LIMS1: variants seen among roughly 807,000 people sequenced by gnomAD.
LIMS1 encodes LIM and senescent cell antigen-like-containing domain protein 1.
A neutral mutation model predicts 44.1 loss-of-function variants in LIMS1; 18 were observed. That is an observed-to-expected ratio of 0.41 (90% CI 0.28 to 0.61). The LOEUF (loss-of-function observed/expected upper bound fraction) is 0.61, where lower values mean the gene tolerates loss of function less well. LIMS1 is among the 20% of genes least tolerant of loss of function. The pLI is 0.32. For missense variants in LIMS1, 201 were observed against 422.0 expected (o/e 0.48, Z 4.59); for synonymous variants, 93 against 149.1 (o/e 0.62, Z 2.74).
At chr2:108,551,339 TATAA>T (rs1035150633) in intron 1 of LIMS1, among the ~76,000 whole-genome samples, 11 of 147,210 alleles carry the variant, frequency 7.5e-5, no homozygotes, top group Non-Finnish European at 1.6e-4. Flanking sequence ...TTATTTATAA[TATAA>T]ATATATAATG....
At chr2:108,548,592 T>G (rs1684568768) in intron 1 of LIMS1, among the ~76,000 whole-genome samples, 1 of 152,230 alleles carries the variant, frequency 6.6e-6, no homozygotes, top group Non-Finnish European at 1.5e-5. Flanking sequence ...AATACAGAAC[T>G]GTCTATTGAG....
chr2:108,545,672 C>G (rs1684459512), intron 1 of LIMS1, among the ~76,000 whole-genome samples: 6 of 152,300 alleles, frequency 3.9e-5, no homozygotes, highest in Middle Eastern at 3.4e-3. Context: ...AAATAGGTAA[C>G]TTGTTTGATC....
intron 1 of LIMS1, among the ~76,000 whole-genome samples, chr2:108,565,049 A>G (rs1029037508): frequency 6.6e-6 from 1 of 152,322 alleles, no homozygotes; most frequent in East Asian, 1.9e-4. Flanking sequence ...GCTTTCTCCA[A>G]GTCGGTTTCT....
chr2:108,589,090 T>A (rs570532665), intron 1 of LIMS1, among the ~76,000 whole-genome samples: 2 of 152,266 alleles, frequency 1.3e-5, no homozygotes, highest in East Asian at 3.9e-4. Flanking sequence ...TTTAGCAATA[T>A]GTTTAGTGAA....
intron 1 of LIMS1, among the ~76,000 whole-genome samples, chr2:108,581,862 A>G (rs1339621230): frequency 1.3e-5 from 2 of 151,726 alleles, no homozygotes. Flanking sequence ...GCTTGAACCC[A>G]GGAGGCAGAG....
intron 1 of LIMS1, among the ~76,000 whole-genome samples, chr2:108,536,015 C>CT (rs1684124545): frequency 6.6e-6 from 1 of 151,626 alleles, no homozygotes; most frequent in African/African-American, 2.4e-5. Flanking sequence ...GACTTTTTTC[C>CT]TTAAAAAAAA....
intron 1 of LIMS1, among the ~76,000 whole-genome samples, chr2:108,564,754 T>G (rs2104618404): frequency 6.6e-6 from 1 of 152,246 alleles, no homozygotes; most frequent in Non-Finnish European, 1.5e-5. Flanking sequence ...TACGTAAGAT[T>G]GCTGCAGCTA....
At chr2:108,556,752 G>A (rs532712784) in intron 1 of LIMS1, among the ~76,000 whole-genome samples, 10 of 152,174 alleles carry the variant, frequency 6.6e-5, no homozygotes, top group Non-Finnish European at 1.2e-4. Context: ...TGACAACTGC[G>A]TCTGCTGCCC....
At chr2:108,559,772 A>AT (rs1685049730) in intron 1 of LIMS1, among the ~76,000 whole-genome samples, 1 of 152,128 alleles carries the variant, frequency 6.6e-6, no homozygotes, top group African/African-American at 2.4e-5. Flanking sequence ...GTGTCCTTTC[A>AT]TAATATTTTT....
At position 108,562,522 on chromosome 2, in the gene LIMS1, C is replaced by T. The variant is rs536353426; in HGVS notation, c.32+27928C>T. The stretch of plus-strand genomic sequence containing the variant: ...TTAGTGGTTTGAATGGGACATAAAA[C>T]CAGCCACAACATTCCCTTAAGTCAA... On this transcript the variant is annotated intron_variant, in intron 1 of 9. Coordinates refer to ENST00000544547, the Ensembl canonical transcript of LIMS1. Among the ~76,000 whole-genome samples the T allele has an allele frequency of 3.3e-5, 5 of 152,316 alleles. No individual in the cohort carries two copies. In the South Asian group the frequency reaches 8.3e-4, roughly 25 times the overall value.
chr2:108,552,291 A>G (rs1684775492), intron 1 of LIMS1, among the ~76,000 whole-genome samples: 1 of 136,554 alleles, frequency 7.3e-6, no homozygotes, highest in Non-Finnish European at 1.6e-5. Flanking sequence ...AACTATATAT[A>G]TACTATACGT....
intron 1 of LIMS1, among the ~76,000 whole-genome samples, chr2:108,572,366 C>T (rs533569503): frequency 1.4e-5 from 2 of 147,922 alleles, no homozygotes; most frequent in East Asian, 4.1e-4. Context: ...CTCCCTTGGT[C>T]TCTGGGACTC....
rs994396961 is a variant in LIMS1 at position 108,650,467 on chromosome 2, G to A, written c.33-9138G>A. 1.1e-4 allele frequency among the ~76,000 whole-genome samples: 16 copies of A among 147,072 alleles called. 1 individual carries two copies. Among genetic ancestry groups the A allele is most frequent in the Admixed American group, 6.9e-4 (10 of 14,560 alleles). The stretch of plus-strand genomic sequence containing the variant: ...AGTTTTGCTCTTGTTGCCCAGGCTT[G>A]AGTGCAGTTGCACAATCTCGGCTCA... On this transcript the variant is annotated intron_variant, in intron 1 of 9. Coordinates refer to ENST00000544547, the Ensembl canonical transcript of LIMS1.
intron 1 of LIMS1, among the ~76,000 whole-genome samples, chr2:108,612,029 TACACACACAC>T (rs71381969): frequency 2.1e-4 from 17 of 79,936 alleles, no homozygotes; most frequent in South Asian, 4.9e-4. Context: ...CACACACATA[TACACACACAC>T]ACACACACAC....
chr2:108,619,338 A>G (rs1284123189), intron 1 of LIMS1, among the ~76,000 whole-genome samples: 6 of 151,910 alleles, frequency 3.9e-5, no homozygotes, highest in Non-Finnish European at 5.9e-5. Context: ...GAAAACAAGG[A>G]AGATTAGTGG....
At chr2:108,575,132 G>T (rs1479392924) in intron 1 of LIMS1, among the ~76,000 whole-genome samples, 1 of 151,962 alleles carries the variant, frequency 6.6e-6, no homozygotes, top group Non-Finnish European at 1.5e-5. Context: ...AACACTCTTG[G>T]GGTTCTCAAT....
intron 1 of LIMS1, among the ~76,000 whole-genome samples, chr2:108,559,972 T>TG (rs1685059253): frequency 1.4e-5 from 2 of 145,610 alleles, no homozygotes; most frequent in Admixed American, 6.8e-5. Flanking sequence ...CATGGAGTCC[T>TG]GGGTTCTCCC....
chr2:108,594,616 A>G (rs983816540), intron 1 of LIMS1, among the ~76,000 whole-genome samples: 2 of 152,224 alleles, frequency 1.3e-5, no homozygotes, highest in Non-Finnish European at 2.9e-5. Flanking sequence ...TCCTGTAGAA[A>G]TACAATGTAA....
intron 1 of LIMS1, among the ~76,000 whole-genome samples, chr2:108,559,822 A>T (rs1435997288): frequency 1.3e-5 from 2 of 152,154 alleles, no homozygotes; most frequent in African/African-American, 4.8e-5. Context: ...ACAATTATAA[A>T]CTGGTTTGAC....
Sources: gnomAD v4.1 joint callset for allele counts (sites outside exome capture counted in the v4.1 genomes callset) on GRCh38, gnomAD v4.1.1 for gene constraint, MANE v1.5 for transcripts, NCBI Gene and HGNC (gene_info 2026-07-23, HGNC 2026-07-21) for gene names.